Variants in KIF1C observed in about 807,000 individuals in gnomAD.
KIF1C encodes kinesin-like protein KIF1C.
KIF1C carries 61 observed loss-of-function variants against 126.5 expected under a neutral mutation model. The ratio of observed to expected loss-of-function variants is 0.48; its 90% confidence interval spans 0.39 to 0.60. The LOEUF is 0.60. Ranked by LOEUF, KIF1C falls within the 20% of genes least tolerant of loss-of-function variation. The probability of loss-of-function intolerance (pLI) is 0.00; values close to 1 mark genes in which losing one functional copy is unlikely to be tolerated. For missense variants in KIF1C, 1,315 were observed against 1,489.2 expected (o/e 0.88, Z 1.93); for synonymous variants, 640 against 580.6 (o/e 1.10, Z -1.47).
intron 16 of KIF1C, 47 bp downstream of exon 16, chr17:5,007,589 C>T (rs1974765251): frequency 1.4e-6 from 2 of 1,470,752 alleles, no homozygotes; most frequent in African/African-American, 1.4e-5. Flanking sequence ...CTCTGGATGC[C>T]TAGAAAAGAG....
chr17:5,009,896 G>A (rs975921111), intron 16 of KIF1C, among the ~76,000 whole-genome samples: 2 of 151,754 alleles, frequency 1.3e-5, no homozygotes, highest in Admixed American at 6.6e-5. Context: ...TCACATTCAC[G>A]GCCTCTCTAA....
intron 5 of KIF1C, among the ~76,000 whole-genome samples, 172 bp from the exon 6 acceptor site, chr17:5,001,887 G>A (rs1974603324): frequency 6.6e-6 from 1 of 152,224 alleles, no homozygotes; most frequent in Non-Finnish European, 1.5e-5. Flanking sequence ...TCTTGGGCAA[G>A]TGGGGACCTC....
At position 5,020,555 on chromosome 17, in the gene KIF1C, TGGAACG is replaced by T. The variant is rs1975066669; in HGVS notation, c.1821_1826del (p.Glu608_Arg609del). The T allele has an allele frequency of 1.2e-6, 2 of 1,614,232 alleles. No homozygotes were observed. Among genetic ancestry groups the T allele is most frequent in the Non-Finnish European group, 1.7e-6 (2 of 1,180,014 alleles). On this transcript the variant is annotated inframe_deletion, in exon 20 of 23. Coordinates refer to ENST00000320785, the MANE Select transcript of KIF1C (RefSeq NM_006612.6). This position sits in a 1 kb window ranked among gnomAD's most constrained non-coding sequence, Gnocchi z 5.8. ...TTCAACCACCCGGAGCAGGCAAGGCTGGAACGGGAACGAGGGGTCCCCCCACCCCCA... is the reference window on the plus strand; with the variant it reads ...TTCAACCACCCGGAGCAGGCAAGGCTGGAACGAGGGGTCCCCCCACCCCCA...
At chr17:5,004,816 G>T in intron 12 of KIF1C, 39 bp from the exon 13 acceptor site, 1 of 1,613,332 alleles carries the variant, frequency 6.2e-7, no homozygotes, top group Non-Finnish European at 8.5e-7. Flanking sequence ...AGGGTCCCCT[G>T]CCCCCAGGCC....
Position 5,024,063 on chromosome 17 carries a change from G to A in KIF1C, c.3224G>A (p.Gly1075Glu), listed in dbSNP as rs1245516424. The change falls in exon 23 of 23, where the codon GGG (glycine) becomes GAG (glutamate). Residue 1075 changes from glycine to glutamate, a missense_variant. Coordinates refer to ENST00000320785, the MANE Select transcript of KIF1C (RefSeq NM_006612.6). ...CCCTACCCAGCCCAGCGGCCCCCAG[G>A]GCCCCGCTACCCCCCATACACTACT... ...PQPYPAQRPP[G>E]PRYPPYTTPP... 1 of 1,582,858 alleles carries A rather than the reference G, an allele frequency of 6.3e-7. No individual in the cohort carries two copies. Among genetic ancestry groups the A allele is most frequent in the South Asian group, 1.1e-5 (1 of 87,548 alleles).
chr17:5,020,573 TC>T lies in KIF1C; in HGVS notation c.1838del (p.Pro613HisfsTer27), dbSNP rs1975067466. 1 of 1,613,468 alleles carries T rather than the reference TC, an allele frequency of 6.2e-7. No homozygotes were observed. Among genetic ancestry groups the T allele is most frequent in the Non-Finnish European group, 8.5e-7 (1 of 1,179,860 alleles). Reference protein sequence around the residue: ...EQARLERERGVPPPPGPPSEP... With the variant: ...EQARLERERGXPPPPGPPSEP... Reference sequence around the variant, plus strand: ...GCAAGGCTGGAACGGGAACGAGGGGTCCCCCCACCCCCAGGACCGCCCTCTG... The same window carrying T: ...GCAAGGCTGGAACGGGAACGAGGGGTCCCCCACCCCCAGGACCGCCCTCTG... On this transcript the variant is annotated frameshift_variant, in exon 20 of 23. Transcript: ENST00000320785. LOFTEE classifies it high-confidence loss of function. This position sits in a 1 kb window ranked among gnomAD's most constrained non-coding sequence, Gnocchi z 5.8.
At chr17:5,015,417 G>A (rs113211704) in intron 18 of KIF1C, among the ~76,000 whole-genome samples, 14,498 of 151,514 alleles carry the variant, frequency 0.096, 773 homozygotes, top group Middle Eastern at 0.12. Flanking sequence ...CCGAGTAGCC[G>A]GGATTACAAG....
rs772906989 is a variant in KIF1C, at chr17:5,005,019, G to A, written c.1165+19G>A. 2 of 1,613,958 alleles carry A rather than the reference G, an allele frequency of 1.2e-6. No homozygotes were observed. Among genetic ancestry groups the A allele is most frequent in the African/African-American group, 1.3e-5 (1 of 74,946 alleles). On this transcript the variant is annotated intron_variant, in intron 13 of 22. Coordinates refer to ENST00000320785, the MANE Select transcript of KIF1C (RefSeq NM_006612.6). ...CTGGAAGGTCGAGGTTCCAGGGAGGGGCAGCTCAGGGATGCCCCTTGGCCC... is the reference window on the plus strand; with the variant it reads ...CTGGAAGGTCGAGGTTCCAGGGAGGAGCAGCTCAGGGATGCCCCTTGGCCC...
intron 13 of KIF1C, among the ~76,000 whole-genome samples, chr17:5,005,966 G>T (rs577263200): frequency 7.9e-5 from 12 of 152,038 alleles, no homozygotes; most frequent in Admixed American, 5.9e-4. Context: ...CAGCATTTGG[G>T]GAGGCCAAGG....
At chr17:5,012,549 G>A (rs1411043405) in intron 16 of KIF1C, among the ~76,000 whole-genome samples, 1 of 152,062 alleles carries the variant, frequency 6.6e-6, no homozygotes, top group African/African-American at 2.4e-5. Flanking sequence ...AGGGATGCCA[G>A]GGGAAAAAGT....
chr17:5,021,849 C>T (rs1407550395), intron 21 of KIF1C, among the ~76,000 whole-genome samples: 2 of 152,086 alleles, frequency 1.3e-5, no homozygotes, highest in South Asian at 2.1e-4. Context: ...GTAACTTTCT[C>T]GGTGCCGGCC....
chr17:5,002,450 C>T lies in KIF1C; in HGVS notation c.430-14C>T. On this transcript the variant is annotated splice_polypyrimidine_tract_variant and intron_variant, in intron 6 of 22. Coordinates refer to ENST00000320785, the MANE Select transcript of KIF1C (RefSeq NM_006612.6). ...TGCTAGTTTTGTTACTTCTCATTTG[C>T]TTCTCCCACTCAGGTGAGCTATATG... 6.4e-7 allele frequency: 1 copy of T among 1,565,566 alleles called. No individual in the cohort carries two copies. The highest frequency in any genetic ancestry group is 1.2e-5 in the South Asian group (1 of 85,758).
Position 5,004,596 on chromosome 17 carries a change from G to C in KIF1C, c.970G>C (p.Ala324Pro). The change falls in exon 12 of 23, where the codon GCC becomes CCC. Residue 324 changes from alanine (A) to proline (P), a missense_variant. Physicochemically the swap from Ala to Pro is conservative, Grantham distance 27. Coordinates refer to ENST00000320785, the MANE Select transcript of KIF1C (RefSeq NM_006612.6). The part of the protein sequence containing the change: ...GGNSRTAMIA[A>P]LSPADINYEE... ...GAACTCACGCACAGCCATGATTGCAGCCCTGAGCCCTGCTGACATCAATTA... is the reference window on the plus strand; with the variant it reads ...GAACTCACGCACAGCCATGATTGCACCCCTGAGCCCTGCTGACATCAATTA... 6.2e-7 allele frequency: 1 copy of C among 1,614,158 alleles called. No individual in the cohort carries two copies. Among genetic ancestry groups the C allele is most frequent in the Non-Finnish European group, 8.5e-7 (1 of 1,180,030 alleles).
rs993021640 is a variant in KIF1C at position 4,998,008 on chromosome 17, G to T, written c.-297G>T. The stretch of plus-strand genomic sequence containing the variant: ...GCGCCGCTACTGCTGCCGCCCCCGG[G>T]GCGCGAGTCCGCCGCCCGCCGCCCG... On this transcript the variant is annotated 5_prime_UTR_variant, in exon 1 of 23. Transcript: ENST00000320785. 1.0e-4 allele frequency: 15 copies of T among 148,248 alleles called. No individual in the cohort carries two copies. Among genetic ancestry groups the T allele is most frequent in the African/African-American group, 3.4e-4 (14 of 40,934 alleles). The allele number at this position is 148,248 out of a possible 1,614,324, so 9.2% of individuals were successfully genotyped here. A position where few individuals can be genotyped will look rare whatever the true frequency, so the allele number is the denominator to read the frequency against.
Position 5,002,859 on chromosome 17 carries a change from C to G in KIF1C, c.720+17C>G, listed in dbSNP as rs753249003. The G allele has an allele frequency of 5.1e-6, 8 of 1,578,290 alleles. No individual in the cohort carries two copies. Among genetic ancestry groups the G allele is most frequent in the South Asian group, 1.1e-5 (1 of 90,128 alleles). ...TCGGAGAAGGTGGGATCGCCCCCCCCCCCACTCCCCCACCGGATGCAACCT... is the reference window on the plus strand; with the variant it reads ...TCGGAGAAGGTGGGATCGCCCCCCCGCCCACTCCCCCACCGGATGCAACCT... On this transcript the variant is annotated intron_variant, in intron 8 of 22. Transcript: ENST00000320785.
At chr17:5,012,026 CAAAT>C (rs1179056571) in intron 16 of KIF1C, 3 of 152,198 alleles carry the variant, frequency 2.0e-5, no homozygotes, top group East Asian at 3.8e-4. Context: ...CCCCTGGGAA[CAAAT>C]GAATGAATAA....
Position 5,002,465 on chromosome 17 carries a change from T to C in KIF1C, c.431T>C (p.Val144Ala). Residue 144 changes from valine to alanine, a missense_variant and splice_region_variant, in exon 7 of 23, where the codon GTG (valine) becomes GCG (alanine). Physicochemically the swap from Val to Ala is moderately conservative, Grantham distance 64. Transcript: ENST00000320785. The part of the protein sequence containing the change: ...QSAQLSYSVE[V>A]SYMEIYCERV... Reference sequence around the variant, plus strand: ...TTCTCATTTGCTTCTCCCACTCAGGTGAGCTATATGGAGATCTACTGTGAG... The same window carrying C: ...TTCTCATTTGCTTCTCCCACTCAGGCGAGCTATATGGAGATCTACTGTGAG... The C allele has an allele frequency of 6.4e-7, 1 of 1,569,470 alleles. No individual in the cohort carries two copies. The highest frequency in any genetic ancestry group is 8.7e-7 in the Non-Finnish European group (1 of 1,153,246).
intron 16 of KIF1C, among the ~76,000 whole-genome samples, chr17:5,009,713 G>A (rs887485124): frequency 4.0e-5 from 6 of 150,106 alleles, no homozygotes; most frequent in Admixed American, 2.0e-4. Flanking sequence ...ACATGAACCC[G>A]GGAGGCAGAG....
Position 5,022,295 on chromosome 17 carries a change from C to A in KIF1C, c.2214C>A (p.Asp738Glu), listed in dbSNP as rs755203770. 5 of 1,612,388 alleles carry A rather than the reference C, an allele frequency of 3.1e-6. No individual in the cohort carries two copies. The highest frequency in any genetic ancestry group is 1.7e-5 in the Admixed American group (1 of 59,732). The stretch of plus-strand genomic sequence containing the variant: ...AGCGACGCAGGCTGCAGGGCAAAGA[C>A]CCCCGCTGGGCCACCATGGCTGACC... ...IPQRRRLQGK[D>E]PRWATMADLK... Residue 738 changes from aspartate (D) to glutamate (E), a missense_variant, in exon 22 of 23, where the codon GAC becomes GAA. Physicochemically the swap from Asp to Glu is conservative, Grantham distance 45. This residue lies in a region of KIF1C where 874 missense variants were observed against 1,053.2 expected (regional missense o/e 0.83). Transcript: ENST00000320785. This position sits in a 1 kb window ranked among gnomAD's most constrained non-coding sequence, Gnocchi z 4.9.
Sources: allele counts gnomAD v4.1 joint callset (sites outside exome capture counted in the v4.1 genomes callset), GRCh38; gene constraint gnomAD v4.1.1; regional missense constraint gnomAD v4.1.1; non-coding constraint Gnocchi (gnomAD v3.1); transcripts MANE v1.5; gene names NCBI Gene and HGNC (gene_info 2026-07-23, HGNC 2026-07-21).